Variants in RANBP2 observed in about 807,000 individuals in gnomAD.
The protein encoded by RANBP2 is E3 SUMO-protein ligase RanBP2.
Under a neutral mutation model 303.6 loss-of-function variants are expected in RANBP2, and 57 were observed. The ratio of observed to expected loss-of-function variants is 0.19; its 90% CI spans 0.15 to 0.23. The LOEUF (loss-of-function observed/expected upper bound fraction) is 0.23. Among genes scored for constraint, RANBP2 ranks in the 10% least tolerant of loss-of-function variants. The pLI is 1.00. For synonymous variants in RANBP2, 1,167 were observed against 1,301.5 expected, an observed-to-expected ratio of 0.90 and a Z score of 2.23; for missense variants, 3,138 against 3,780.8, an observed-to-expected ratio of 0.83 and a Z score of 4.46.
At chr2:109,689,516 G>A in the RANBP2 span, among the ~76,000 whole-genome samples, 139 of 152,328 alleles carry the variant, frequency 9.1e-4, 1 homozygote, top group African/African-American at 3.2e-3. Context: ...AGCAGGCATA[G>A]AAGAGCAGAG....
At chr2:108,753,661 G>A in intron 14 of RANBP2, 98 bp downstream of exon 14, 2 of 1,588,648 alleles carry the variant, frequency 1.3e-6, no homozygotes, top group Admixed American at 1.8e-5. Context: ...GAGTGCAGTG[G>A]CACAATCTTG....
At chr2:109,265,858 A>G in the RANBP2 span, among the ~76,000 whole-genome samples, 1 of 152,216 alleles carries the variant, frequency 6.6e-6, no homozygotes, top group Non-Finnish European at 1.5e-5. Context: ...GGTGGACACC[A>G]CTGAGCTGGG....
chr2:108,814,837 T>C, the RANBP2 span, among the ~76,000 whole-genome samples: 2 of 152,048 alleles, frequency 1.3e-5, no homozygotes, highest in Admixed American at 6.6e-5. Context: ...CGTTTCACCA[T>C]GTTGGCTAGG....
chr2:108,763,789 G>T lies in RANBP2; in HGVS notation c.3250G>T (p.Ala1084Ser). The T allele has an allele frequency of 6.2e-7, 1 of 1,614,074 alleles. No individual in the cohort carries two copies. The highest frequency in any genetic ancestry group is 8.5e-7 in the Non-Finnish European group (1 of 1,179,984). The change falls in exon 20 of 29, where the codon GCC (alanine) becomes TCC (serine). Residue 1084 changes from alanine to serine, a missense_variant. Around this residue, in one of 20 missense-constraint regions of RANBP2, gnomAD observed 403 missense variants for 376.7 expected, o/e 1.07. Coordinates refer to ENST00000283195, the MANE Select transcript of RANBP2 (RefSeq NM_006267.5). ...KPLQGDGYSGAKPIPGGQTIG... is the reference protein window; with the variant it reads ...KPLQGDGYSGSKPIPGGQTIG... The stretch of plus-strand genomic sequence containing the variant: ...CTTGCAAGGAGATGGCTATAGTGGA[G>T]CCAAACCAATTCCTGGTGGTCAAAC...
the RANBP2 span, among the ~76,000 whole-genome samples, chr2:109,069,908 A>G: frequency 6.6e-6 from 1 of 152,226 alleles, no homozygotes; most frequent in South Asian, 2.1e-4. Flanking sequence ...CCTATAATCT[A>G]GAGACATTGA....
chr2:108,843,844 T>TTGTGTGTGTGTGTGTGTGTG, the RANBP2 span, among the ~76,000 whole-genome samples: 6 of 22,836 alleles, frequency 2.6e-4, no homozygotes, highest in African/African-American at 3.9e-4. Context: ...AGTTCATGTT[T>TTGTGTGTGTGTGTGTGTGTG]TGTGTGTGTG....
chr2:109,615,065 T>A, the RANBP2 span: 1 of 1,549,154 alleles, frequency 6.5e-7, no homozygotes, highest in Non-Finnish European at 8.7e-7. Context: ...GCAGCTCCCT[T>A]GTGGGGGCTA....
At chr2:108,798,480 G>A in the RANBP2 span, 37 of 1,613,822 alleles carry the variant, frequency 2.3e-5, no homozygotes, top group Non-Finnish European at 2.9e-5. Context: ...AAGCGAGAAC[G>A]TTTTTTACTT....
chr2:109,477,320 G>A, the RANBP2 span, among the ~76,000 whole-genome samples: 3 of 152,094 alleles, frequency 2.0e-5, no homozygotes, highest in Non-Finnish European at 4.4e-5. Flanking sequence ...AGACCATGCC[G>A]CTCCCTGCCC....
chr2:108,754,727 C>A (rs1200496554), intron 15 of RANBP2, among the ~76,000 whole-genome samples, 178 bp from the exon 16 acceptor site: 1 of 150,824 alleles, frequency 6.6e-6, no homozygotes, highest in Non-Finnish European at 1.5e-5. Flanking sequence ...AATAATAATA[C>A]AAAACAACAG....
the RANBP2 span, among the ~76,000 whole-genome samples, chr2:109,679,330 C>G: frequency 2.6e-5 from 4 of 152,176 alleles, no homozygotes; most frequent in African/African-American, 9.6e-5. Flanking sequence ...CACAGAAGCA[C>G]CATGAGTACT....
the RANBP2 span, among the ~76,000 whole-genome samples, chr2:109,284,060 A>C: frequency 6.6e-6 from 1 of 151,536 alleles, no homozygotes; most frequent in Non-Finnish European, 1.5e-5. Flanking sequence ...ACTTGCTGTC[A>C]CCTCCCTTGT....
chr2:109,643,605 CAAAAA>C, the RANBP2 span, among the ~76,000 whole-genome samples: 1 of 148,104 alleles, frequency 6.8e-6, no homozygotes. Context: ...ACTAAAAATA[CAAAAA>C]AAAAATTAGC....
chr2:109,691,360 C>T, the RANBP2 span, among the ~76,000 whole-genome samples: 11 of 152,214 alleles, frequency 7.2e-5, no homozygotes, highest in South Asian at 2.1e-4. Context: ...AGCCACAGGT[C>T]GGTGATCAAT....
the RANBP2 span, among the ~76,000 whole-genome samples, chr2:109,418,890 G>C: frequency 6.6e-6 from 1 of 152,146 alleles, no homozygotes; most frequent in Non-Finnish European, 1.5e-5. Flanking sequence ...CTCTATGTAG[G>C]AATTCCCTTG....
the RANBP2 span, among the ~76,000 whole-genome samples, chr2:109,620,658 T>C: frequency 6.6e-6 from 1 of 151,994 alleles, no homozygotes; most frequent in Admixed American, 6.6e-5. Context: ...GCTGAGATTG[T>C]GCCACTGCAC....
the RANBP2 span, among the ~76,000 whole-genome samples, chr2:109,191,897 T>G: frequency 6.6e-6 from 1 of 152,132 alleles, no homozygotes; most frequent in Non-Finnish European, 1.5e-5. Context: ...CTATTATTAT[T>G]TTCAACAGAA....
the RANBP2 span, among the ~76,000 whole-genome samples, chr2:109,421,183 C>A: frequency 6.6e-6 from 1 of 152,208 alleles, no homozygotes; most frequent in Non-Finnish European, 1.5e-5. Flanking sequence ...GGAAAGAAAC[C>A]TGCACCCACA....
At chr2:109,142,632 C>T in the RANBP2 span, among the ~76,000 whole-genome samples, 1 of 152,166 alleles carries the variant, frequency 6.6e-6, no homozygotes, top group Non-Finnish European at 1.5e-5. Context: ...GGCAGAACGC[C>T]TCTGCTTGGC....
Sources: allele counts gnomAD v4.1 joint callset (sites outside exome capture counted in the v4.1 genomes callset), GRCh38; gene constraint gnomAD v4.1.1; regional missense constraint gnomAD v4.1.1; transcripts MANE v1.5; gene names NCBI Gene and HGNC (gene_info 2026-07-23, HGNC 2026-07-21).